PIP4K2A: variants seen among roughly 807,000 people sequenced by gnomAD.
PIP4K2A encodes the protein phosphatidylinositol-5-phosphate 4-kinase type 2 alpha.
A neutral mutation model predicts 42.9 loss-of-function variants in PIP4K2A; 14 were observed. That is an observed-to-expected ratio of 0.33 (90% CI 0.22 to 0.51). PIP4K2A has a LOEUF of 0.51. PIP4K2A is among the 20% of genes least tolerant of loss of function. PIP4K2A has a pLI of 0.97. For synonymous variants in PIP4K2A, 192 were observed against 192.2 expected, an observed-to-expected ratio of 1.00 and a Z score of 0.01; for missense variants, 434 against 519.8, an observed-to-expected ratio of 0.83 and a Z score of 1.61.
At chr10:22,554,310 T>A (rs780029963) in intron 6 of PIP4K2A, among the ~76,000 whole-genome samples, 11 of 152,230 alleles carry the variant, frequency 7.2e-5, no homozygotes, top group Admixed American at 3.3e-4. Flanking sequence ...AAAACTATAC[T>A]ATGATTTAAT....
intron 1 of PIP4K2A, among the ~76,000 whole-genome samples, chr10:22,643,923 G>A (rs933077661): frequency 2.0e-5 from 3 of 152,006 alleles, no homozygotes; most frequent in African/African-American, 7.3e-5. Flanking sequence ...TCCCTTGGAG[G>A]GTTTATCATC....
intron 7 of PIP4K2A, among the ~76,000 whole-genome samples, chr10:22,545,930 A>G (rs537679671): frequency 6.6e-6 from 1 of 152,158 alleles, no homozygotes; most frequent in African/African-American, 2.4e-5. Context: ...GGTCTCAAAC[A>G]CCTGGCCTCA....
At chr10:22,560,840 ACT>A (rs1211990554) in intron 6 of PIP4K2A, among the ~76,000 whole-genome samples, 3 of 152,002 alleles carry the variant, frequency 2.0e-5, no homozygotes, top group Admixed American at 1.3e-4. Flanking sequence ...AATCCCCAGG[ACT>A]CTCTCTCTCA....
rs142021715 is a variant in PIP4K2A at position 22,603,594 on chromosome 10, G to T, written c.339+4333C>A. ...CTAATACAGAATCTGGTATGCAATA[G>T]TTTTTAAAGAAAGTGATGCTTCACC... On this transcript the variant is annotated intron_variant, in intron 3 of 9. Transcript: ENST00000376573. Among the ~76,000 whole-genome samples, 795 of 152,312 alleles carry T rather than the reference G, an allele frequency of 5.2e-3. 10 individuals carry two copies. Among genetic ancestry groups the T allele is most frequent in the African/African-American group, 0.018 (751 of 41,574 alleles).
rs555819789 is a variant in PIP4K2A, at chr10:22,657,562, G to A, written c.145-47845C>T. ...TCCCTATTCCAAAGCAAAGACAGACGCACTGCTTTGACACGAAAAAAACAG... is the reference window on the plus strand; with the variant it reads ...TCCCTATTCCAAAGCAAAGACAGACACACTGCTTTGACACGAAAAAAACAG... On this transcript the variant is annotated intron_variant, in intron 1 of 9. Transcript: ENST00000376573. Among the ~76,000 whole-genome samples the A allele has an allele frequency of 7.9e-5, 12 of 152,224 alleles. No homozygotes were observed. In the East Asian group the frequency reaches 1.2e-3, roughly 15 times the overall value.
rs1314055134 is a variant in PIP4K2A at position 22,541,915 on chromosome 10, G to T, written c.925C>A (p.Pro309Thr). ...EEEGESDGTH[P>T]VGTPPDSPGN... ...GGGCTATCTGGGGGGGTTCCCACCG[G>T]GTGGGTGCCATCGCTCTCGCCCTCC... is the stretch of plus-strand genomic sequence containing the variant. The change falls in exon 8 of 10, where the codon CCG (proline) becomes ACG (threonine). Residue 309 changes from proline to threonine, a missense_variant. Coordinates refer to ENST00000376573, the MANE Select transcript of PIP4K2A (RefSeq NM_005028.5). The T allele has an allele frequency of 6.2e-7, 1 of 1,614,026 alleles. No individual in the cohort carries two copies.
At chr10:22,667,734 G>T (rs552244244) in intron 1 of PIP4K2A, among the ~76,000 whole-genome samples, 2 of 151,968 alleles carry the variant, frequency 1.3e-5, no homozygotes, top group Non-Finnish European at 2.9e-5. Context: ...ACTAATACTT[G>T]TAAAAAGAGG....
intron 1 of PIP4K2A, among the ~76,000 whole-genome samples, chr10:22,667,692 A>G (rs928192852): frequency 9.2e-5 from 14 of 152,222 alleles, no homozygotes; most frequent in African/African-American, 2.7e-4. Context: ...TTTTTTAACT[A>G]GAAAATAGAT....
intron 6 of PIP4K2A, among the ~76,000 whole-genome samples, chr10:22,562,760 T>A (rs1444874686): frequency 6.6e-6 from 1 of 152,154 alleles, no homozygotes; most frequent in Non-Finnish European, 1.5e-5. Flanking sequence ...CTCACCCACT[T>A]CCCTGTCTCT....
chr10:22,620,306 G>A (rs554406886), intron 1 of PIP4K2A, among the ~76,000 whole-genome samples: 4 of 152,184 alleles, frequency 2.6e-5, no homozygotes, highest in Middle Eastern at 3.2e-3. Flanking sequence ...TTTATAATCT[G>A]GTACAGAGGT....
intron 1 of PIP4K2A, among the ~76,000 whole-genome samples, chr10:22,641,346 T>A (rs758270928): frequency 6.6e-6 from 1 of 152,172 alleles, no homozygotes; most frequent in Non-Finnish European, 1.5e-5. Flanking sequence ...TCTCAGTAAA[T>A]AGATCTACAT....
chr10:22,633,598 C>A (rs1284450778), intron 1 of PIP4K2A, among the ~76,000 whole-genome samples: 1 of 152,056 alleles, frequency 6.6e-6, no homozygotes, highest in Non-Finnish European at 1.5e-5. Context: ...GGGGAGGGGA[C>A]CTTGGGGCAA....
At chr10:22,569,784 AAC>A (rs1206955938) in intron 5 of PIP4K2A, among the ~76,000 whole-genome samples, 1 of 152,160 alleles carries the variant, frequency 6.6e-6, no homozygotes, top group Non-Finnish European at 1.5e-5. Context: ...GGAACAACAA[AAC>A]ACAAAACTCA....
chr10:22,536,753 G>C lies in PIP4K2A; in HGVS notation c.*448C>G, dbSNP rs1835939702. 1 of 62,512 alleles carries C rather than the reference G, an allele frequency of 1.6e-5. No homozygotes were observed. The highest frequency in any genetic ancestry group is 4.7e-5 in the African/African-American group (1 of 21,368). The allele number at this position is 62,512 out of a possible 1,614,324, so 3.9% of individuals were successfully genotyped here. On this transcript the variant is annotated 3_prime_UTR_variant, in exon 10 of 10. Transcript: ENST00000376573. The stretch of plus-strand genomic sequence containing the variant: ...AAAAAAAAAAACTGATCCACAGTTT[G>C]TTGTGTGATGCCAACACGGTGCCTG...
At chr10:22,643,242 C>A (rs1588681400) in intron 1 of PIP4K2A, among the ~76,000 whole-genome samples, 1 of 152,168 alleles carries the variant, frequency 6.6e-6, no homozygotes, top group South Asian at 2.1e-4. Flanking sequence ...AGACTACATC[C>A]TATGGGCAAA....
chr10:22,599,001 C>T (rs1010839202), intron 3 of PIP4K2A, among the ~76,000 whole-genome samples: 16 of 151,852 alleles, frequency 1.1e-4, no homozygotes, highest in African/African-American at 3.9e-4. Context: ...AATACTGATA[C>T]CATAACCCAT....
Position 22,537,214 on chromosome 10 carries a change from TG to T in PIP4K2A, c.1207del (p.His403ThrfsTer3). ...CTGCGCAGGAGGTTACGTCAAGATG[TG>T]GCCAATAAAGTCCAAAAAGCGCTTT... ...YSKRFLDFIG[H>X]ILT On this transcript the variant is annotated frameshift_variant, in exon 10 of 10. Coordinates refer to ENST00000376573, the MANE Select transcript of PIP4K2A (RefSeq NM_005028.5). LOFTEE classifies it high-confidence loss of function. 1 of 1,605,110 alleles carries T rather than the reference TG, an allele frequency of 6.2e-7. No homozygotes were observed. Among genetic ancestry groups the T allele is most frequent in the South Asian group, 1.1e-5 (1 of 89,554 alleles).
intron 1 of PIP4K2A, among the ~76,000 whole-genome samples, chr10:22,614,432 G>A (rs974013741): frequency 3.3e-5 from 5 of 152,126 alleles, no homozygotes; most frequent in Admixed American, 2.6e-4. Flanking sequence ...CTACTTTATG[G>A]CTACTTTATC....
intron 6 of PIP4K2A, among the ~76,000 whole-genome samples, chr10:22,562,887 G>A (rs567675719): frequency 6.6e-6 from 1 of 152,240 alleles, no homozygotes; most frequent in East Asian, 1.9e-4. Flanking sequence ...CATTTCAAAT[G>A]CCTCCTCTCT....
Sources: allele counts gnomAD v4.1 joint callset (sites outside exome capture counted in the v4.1 genomes callset), GRCh38; gene constraint gnomAD v4.1.1; transcripts MANE v1.5; gene names NCBI Gene and HGNC (gene_info 2026-07-23, HGNC 2026-07-21).